The following RBMS3 variants were observed in gnomAD, a reference collection of about 807,000 sequenced individuals.
The protein encoded by RBMS3 is RNA-binding motif, single-stranded-interacting protein 3.
A neutral mutation model predicts 66.8 loss-of-function variants in RBMS3; 27 were observed. The ratio of observed to expected loss-of-function variants is 0.40; its 90% CI spans 0.30 to 0.56. RBMS3 has a LOEUF of 0.56. Ranked by LOEUF, RBMS3 falls within the 20% of genes least tolerant of loss-of-function variation. The pLI is 0.40. For synonymous variants in RBMS3, 188 were observed against 183.0 expected, an observed-to-expected ratio of 1.03 and a Z score of -0.22; for missense variants, 513 against 549.5, an observed-to-expected ratio of 0.93 and a Z score of 0.66.
At chr3:29,439,966 G>A (rs1050160280) in intron 2 of RBMS3, among the ~76,000 whole-genome samples, 2 of 152,120 alleles carry the variant, frequency 1.3e-5, no homozygotes, top group Non-Finnish European at 2.9e-5. Context: ...AAGACCAGAC[G>A]GAAGTCGGAG....
intron 2 of RBMS3, among the ~76,000 whole-genome samples, chr3:29,472,555 C>T (rs1474319316): frequency 2.0e-5 from 3 of 152,018 alleles, no homozygotes; most frequent in East Asian, 3.9e-4. Flanking sequence ...TAAGGCGGCG[C>T]GTACCTTCTG....
chr3:29,805,141 G>T lies in RBMS3; in HGVS notation c.637+42152G>T, dbSNP rs533975685. Among the ~76,000 whole-genome samples, 245 of 151,962 alleles carry T rather than the reference G, an allele frequency of 1.6e-3. 6 individuals carry two copies. The highest frequency in any genetic ancestry group is 1.8e-3 in the Non-Finnish European group (122 of 67,908). ...ATGATGGACTGTGTATATGATGGCG[G>T]TCTCATCGTATTATAATGGAGCTGA... On this transcript the variant is annotated intron_variant, in intron 6 of 14. Coordinates refer to ENST00000383767, the MANE Select transcript of RBMS3 (RefSeq NM_001003793.3).
In RBMS3 at chr3:29,798,576, T is replaced by C. The variant is rs919059088; in HGVS notation, c.637+35587T>C. 6.6e-5 allele frequency among the ~76,000 whole-genome samples: 10 copies of C among 152,148 alleles called. 1 individual carries two copies. The South Asian group carries it at 8.3e-4, about 13-fold the overall frequency. ...ACACAGCAACTAACTCTATAGCATA[T>C]ACAGAATGGAATAGGAGGTGTTTCC... On this transcript the variant is annotated intron_variant, in intron 6 of 14. Transcript: ENST00000383767.
chr3:29,284,473 A>C (rs1298510903), intron 1 of RBMS3, among the ~76,000 whole-genome samples: 1 of 152,100 alleles, frequency 6.6e-6, no homozygotes, highest in Admixed American at 6.6e-5. Context: ...TGTAATGATA[A>C]ATACCTTTGC....
intron 2 of RBMS3, among the ~76,000 whole-genome samples, chr3:29,455,587 T>C (rs1186860413): frequency 6.6e-6 from 1 of 152,198 alleles, no homozygotes; most frequent in Non-Finnish European, 1.5e-5. Flanking sequence ...ATAGATATTG[T>C]TAATTCATTG....
At chr3:29,322,938 A>C (rs76150584) in intron 1 of RBMS3, among the ~76,000 whole-genome samples, 9,515 of 152,182 alleles carry the variant, frequency 0.063, 388 homozygotes, top group Non-Finnish European at 0.084. Flanking sequence ...TTCTTGCTAG[A>C]AGTCATCCAT....
At chr3:29,790,786 G>T (rs1222663191) in intron 6 of RBMS3, among the ~76,000 whole-genome samples, 2 of 152,122 alleles carry the variant, frequency 1.3e-5, no homozygotes, top group African/African-American at 2.4e-5. Context: ...AAAATGCTGA[G>T]ATTTTTAAAG....
chr3:29,789,987 A>G (rs142975839), intron 6 of RBMS3, among the ~76,000 whole-genome samples: 4 of 152,304 alleles, frequency 2.6e-5, no homozygotes, highest in African/African-American at 9.6e-5. Flanking sequence ...TCAATTTTCT[A>G]TCTCTCACAA....
At position 29,989,755 on chromosome 3, in the gene RBMS3, G is replaced by T. The variant is rs143163364; in HGVS notation, c.1180-1327G>T. ...TGTGTCATCTTAAACAGTTTTAATT[G>T]TCTTTTCAGAATTGCAAGAATATAT... On this transcript the variant is annotated intron_variant, in intron 13 of 14. Transcript: ENST00000383767. Among the ~76,000 whole-genome samples the T allele has an allele frequency of 4.2e-3, 640 of 152,164 alleles. 4 individuals are homozygous for T. The highest frequency in any genetic ancestry group is 0.014 in the African/African-American group (600 of 41,508).
chr3:29,395,797 C>T (rs2039519364), intron 1 of RBMS3, among the ~76,000 whole-genome samples: 1 of 152,098 alleles, frequency 6.6e-6, no homozygotes, highest in Admixed American at 6.6e-5. Context: ...GATCAAATTG[C>T]TACTAAGTAA....
intron 1 of RBMS3, among the ~76,000 whole-genome samples, chr3:29,384,558 T>C (rs2038922510): frequency 6.6e-6 from 1 of 152,196 alleles, no homozygotes; most frequent in Non-Finnish European, 1.5e-5. Flanking sequence ...TCCTCTTTTC[T>C]GGTATAAAAC....
At chr3:29,935,541 G>A (rs183374506) in intron 10 of RBMS3, among the ~76,000 whole-genome samples, 34 of 152,134 alleles carry the variant, frequency 2.2e-4, no homozygotes, top group Admixed American at 1.2e-3. Context: ...TAGTAATTTC[G>A]ATTTTTAGAT....
At chr3:29,514,888 A>G (rs1160685384) in intron 3 of RBMS3, among the ~76,000 whole-genome samples, 1 of 151,920 alleles carries the variant, frequency 6.6e-6, no homozygotes, top group African/African-American at 2.4e-5. Context: ...TATGCATGTC[A>G]GATTTTCTTC....
chr3:29,681,899 TC>T (rs1466249236), intron 4 of RBMS3, among the ~76,000 whole-genome samples: 1 of 152,228 alleles, frequency 6.6e-6, no homozygotes, highest in African/African-American at 2.4e-5. Context: ...AAATGGTACT[TC>T]TGCCTCTAGG....
intron 2 of RBMS3, among the ~76,000 whole-genome samples, chr3:29,475,876 AAAAG>A (rs1183418034): frequency 2.0e-5 from 3 of 152,192 alleles, no homozygotes; most frequent in Non-Finnish European, 4.4e-5. Context: ...CTTATTAAAA[AAAAG>A]AGTTGATCTG....
intron 1 of RBMS3, among the ~76,000 whole-genome samples, chr3:29,363,696 A>G (rs1217773480): frequency 6.6e-6 from 1 of 151,968 alleles, no homozygotes; most frequent in African/African-American, 2.4e-5. Context: ...TGGCTGAGGC[A>G]TGAGAATTAC....
intron 12 of RBMS3, among the ~76,000 whole-genome samples, chr3:29,984,633 C>T (rs1282446152): frequency 8.5e-5 from 13 of 152,066 alleles, no homozygotes; most frequent in Admixed American, 8.5e-4. Flanking sequence ...TGACGCTATT[C>T]CTTTCTGTTA....
chr3:29,494,420 A>G (rs1311045811), intron 3 of RBMS3, among the ~76,000 whole-genome samples: 1 of 152,156 alleles, frequency 6.6e-6, no homozygotes, highest in East Asian at 1.9e-4. Flanking sequence ...ATCAGCTTTC[A>G]TTCCGTATAA....
At chr3:29,446,583 A>C (rs538197456) in intron 2 of RBMS3, among the ~76,000 whole-genome samples, 1 of 152,270 alleles carries the variant, frequency 6.6e-6, no homozygotes, top group Non-Finnish European at 1.5e-5. Flanking sequence ...AAAAGACTAA[A>C]ATTAAAATAC....
Sources: gnomAD v4.1 joint callset for allele counts (sites outside exome capture counted in the v4.1 genomes callset) on GRCh38, gnomAD v4.1.1 for gene constraint, MANE v1.5 for transcripts, NCBI Gene and HGNC (gene_info 2026-07-23, HGNC 2026-07-21) for gene names.